Variants in RORA observed in about 807,000 individuals in gnomAD.
RORA encodes nuclear receptor ROR-alpha.
In RORA, 7 loss-of-function variants were observed where a neutral mutation model predicts 69.5. That is an observed-to-expected ratio of 0.10 (90% confidence interval 0.06 to 0.19). The LOEUF is 0.19. RORA is among the 10% of genes least tolerant of loss of function. The pLI, the probability that RORA is intolerant of heterozygous loss-of-function variation, is 1.00. For synonymous variants in RORA, 261 were observed against 240.8 expected (o/e 1.08, Z -0.78); for missense variants, 457 against 663.0 (o/e 0.69, Z 3.41).
chr15:61,229,133 G>C lies in RORA; in HGVS notation c.86C>G (p.Thr29Ser), dbSNP rs1489537706. The C allele has an allele frequency of 1.6e-5, 24 of 1,543,050 alleles. No homozygotes were observed. Among genetic ancestry groups the C allele is most frequent in the Admixed American group, 1.2e-4 (6 of 50,780 alleles). The change falls in exon 1 of 11, where the codon ACC (threonine) becomes AGC (serine). Residue 29 changes from threonine (T) to serine (S), a missense_variant. By Grantham distance (58) the Thr-to-Ser change is moderately conservative. Coordinates refer to ENST00000335670, the MANE Select transcript of RORA (RefSeq NM_134261.3). ...GCGGGCGGATTCCTGGTTCAGCGGG[G>C]TCTCCCTGGAGCCGGCGGCCGCGTC... The part of the protein sequence containing the change: ...GADAAAGSRE[T>S]PLNQESARKS...
At position 60,493,280 on chromosome 15, in the gene RORA, C is replaced by T. The variant is rs2065081537; in HGVS notation, c.*4175G>A. Reference sequence around the variant, plus strand: ...AAGTGATTCGATCGACATTCCTTAGCCAAAAACAAAAGGCAAAACAAAAAA... The same window carrying T: ...AAGTGATTCGATCGACATTCCTTAGTCAAAAACAAAAGGCAAAACAAAAAA... On this transcript the variant is annotated 3_prime_UTR_variant, in exon 11 of 11. Coordinates refer to ENST00000335670, the MANE Select transcript of RORA (RefSeq NM_134261.3). The T allele has an allele frequency of 6.6e-6, 1 of 151,774 alleles. No individual in the cohort carries two copies. The highest frequency in any genetic ancestry group is 1.5e-5 in the Non-Finnish European group (1 of 67,948). The allele number at this position is 151,774 out of a possible 1,614,324, so 9.4% of individuals were successfully genotyped here.
intron 2 of RORA, among the ~76,000 whole-genome samples, chr15:60,607,308 C>T (rs2068969905): frequency 6.6e-6 from 1 of 152,166 alleles, no homozygotes; most frequent in Non-Finnish European, 1.5e-5. Flanking sequence ...AACCCATGAA[C>T]TCTAAGAAGA....
intron 1 of RORA, among the ~76,000 whole-genome samples, chr15:61,206,127 C>T (rs1314684098): frequency 2.0e-5 from 3 of 151,732 alleles, no homozygotes; most frequent in East Asian, 3.9e-4. Context: ...CATCACATAC[C>T]GAACTCTAGG....
intron 1 of RORA, among the ~76,000 whole-genome samples, chr15:61,130,857 T>C (rs117790659): frequency 3.3e-4 from 50 of 152,254 alleles, no homozygotes; most frequent in Non-Finnish European, 6.3e-4. Context: ...TTAAAAAACA[T>C]AGGGCTTCAA....
intron 1 of RORA, among the ~76,000 whole-genome samples, chr15:61,180,471 T>C (rs2079673667): frequency 6.6e-6 from 1 of 152,164 alleles, no homozygotes. Flanking sequence ...ACCAATTAGT[T>C]ACCTTGCTGT....
At chr15:60,592,486 G>C in intron 2 of RORA, 1 of 1,342,042 alleles carries the variant, frequency 7.5e-7, no homozygotes, top group Non-Finnish European at 9.6e-7. Flanking sequence ...TGCCGCCGCC[G>C]CGCCGCCGCC....
intron 1 of RORA, among the ~76,000 whole-genome samples, chr15:61,023,679 T>C (rs552773834): frequency 1.3e-5 from 2 of 152,178 alleles, no homozygotes; most frequent in Non-Finnish European, 2.9e-5. Context: ...GTGTTCCAGG[T>C]AACAGCTTTG....
chr15:60,677,536 G>A, intron 2 of RORA, among the ~76,000 whole-genome samples: 1 of 151,732 alleles, frequency 6.6e-6, no homozygotes, highest in Non-Finnish European at 1.5e-5. Flanking sequence ...AGGGCCCTCA[G>A]AGTCAGGCAA....
intron 1 of RORA, among the ~76,000 whole-genome samples, chr15:60,913,498 C>T (rs1226381945): frequency 6.6e-6 from 1 of 152,212 alleles, no homozygotes; most frequent in Non-Finnish European, 1.5e-5. Flanking sequence ...AGTACAACTT[C>T]CCCCGTGACT....
chr15:61,196,644 T>G (rs9888719), intron 1 of RORA, among the ~76,000 whole-genome samples: 147,806 of 152,330 alleles, frequency 0.97, 71,859 homozygotes, highest in East Asian at 1. Context: ...GAAATATGTC[T>G]CAAACAACTG....
chr15:61,086,165 C>A (rs2078621989), intron 1 of RORA, among the ~76,000 whole-genome samples: 1 of 152,226 alleles, frequency 6.6e-6, no homozygotes, highest in Admixed American at 6.5e-5. Context: ...AAACCAGAAA[C>A]CTTTCTGCCA....
At chr15:60,554,820 A>G (rs2067314396) in intron 2 of RORA, among the ~76,000 whole-genome samples, 1 of 152,288 alleles carries the variant, frequency 6.6e-6, no homozygotes, top group East Asian at 1.9e-4. Context: ...AAGAGAAGAG[A>G]GAAGAGCCCT....
chr15:61,030,689 C>A (rs972163704), intron 1 of RORA, among the ~76,000 whole-genome samples: 30 of 152,084 alleles, frequency 2.0e-4, no homozygotes, highest in African/African-American at 7.0e-4. Context: ...ATGAACAAAA[C>A]AATGCCGTGA....
At chr15:61,071,584 G>A (rs1315249901) in intron 1 of RORA, among the ~76,000 whole-genome samples, 2 of 25,304 alleles carry the variant, frequency 7.9e-5, no homozygotes, top group African/African-American at 1.9e-4. Flanking sequence ...GGGGAGAGGG[G>A]AGGGGTGGGG....
intron 10 of RORA, among the ~76,000 whole-genome samples, chr15:60,497,850 G>T (rs1428834800): frequency 6.6e-6 from 1 of 152,012 alleles, no homozygotes; most frequent in Non-Finnish European, 1.5e-5. Context: ...CCTGAGCTCA[G>T]GAGTTCAAGA....
At chr15:61,039,531 G>A (rs1012811092) in intron 1 of RORA, among the ~76,000 whole-genome samples, 1 of 151,932 alleles carries the variant, frequency 6.6e-6, no homozygotes, top group Non-Finnish European at 1.5e-5. Context: ...AGATCACGAG[G>A]TCAGGAGTTC....
intron 2 of RORA, among the ~76,000 whole-genome samples, chr15:60,579,825 T>C (rs1449024473): frequency 1.3e-5 from 2 of 152,136 alleles, no homozygotes; most frequent in East Asian, 1.9e-4. Context: ...TAATCCCCTA[T>C]AGTTCTTTAA....
At chr15:60,611,402 T>A (rs978125993) in intron 2 of RORA, among the ~76,000 whole-genome samples, 1 of 151,902 alleles carries the variant, frequency 6.6e-6, no homozygotes, top group Admixed American at 6.6e-5. Context: ...CGATTTGCCA[T>A]AGCTTTAACC....
At chr15:60,845,876 A>T (rs2073259179) in intron 1 of RORA, among the ~76,000 whole-genome samples, 1 of 152,150 alleles carries the variant, frequency 6.6e-6, no homozygotes, top group South Asian at 2.1e-4. Flanking sequence ...CTTCCCGAGT[A>T]GCAGGGACTA....
Sources: gnomAD v4.1 joint callset for allele counts (sites outside exome capture counted in the v4.1 genomes callset) on GRCh38, gnomAD v4.1.1 for gene constraint, MANE v1.5 for transcripts, NCBI Gene and HGNC (gene_info 2026-07-23, HGNC 2026-07-21) for gene names.